The following ESRRB variants were observed in gnomAD, a reference collection of about 807,000 sequenced individuals.
ESRRB encodes steroid hormone receptor ERR2.
Under a neutral mutation model 46.0 loss-of-function variants are expected in ESRRB, and 16 were observed. That is an observed-to-expected ratio of 0.35 (90% CI 0.24 to 0.53). The LOEUF is 0.53. Among genes scored for constraint, ESRRB ranks in the 20% least tolerant of loss-of-function variants. The probability of loss-of-function intolerance (pLI) is 0.93; values close to 1 mark genes in which losing one functional copy is unlikely to be tolerated. For synonymous variants in ESRRB, 246 were observed against 259.6 expected, an observed-to-expected ratio of 0.95 and a Z score of 0.50; for missense variants, 488 against 607.4, an observed-to-expected ratio of 0.80 and a Z score of 2.07.
At chr14:76,391,482 C>G (rs901646530) in intron 1 of ESRRB, among the ~76,000 whole-genome samples, 3 of 152,264 alleles carry the variant, frequency 2.0e-5, no homozygotes, top group Non-Finnish European at 4.4e-5. Flanking sequence ...AGGCCAGAAG[C>G]TGCAGCTCAT....
chr14:76,334,863 T>A (rs1884107688), intron 1 of ESRRB, among the ~76,000 whole-genome samples: 1 of 152,126 alleles, frequency 6.6e-6, no homozygotes, highest in Admixed American at 6.5e-5. Context: ...GATCTGACCA[T>A]CTCCTTAGGG....
rs191284249 is a variant in ESRRB, at chr14:76,338,409, G to A, written c.2+27493G>A. Among the ~76,000 whole-genome samples, 35 of 152,262 alleles carry A rather than the reference G, an allele frequency of 2.3e-4. No individual in the cohort carries two copies. The East Asian group carries it at 4.7e-3, about 20-fold the overall frequency. ...GCCAGCCCTGCCAGCCAGGAGAGCC[G>A]GGTGAGCTACTGGGGCACCAAAACC... is the stretch of plus-strand genomic sequence containing the variant. On this transcript the variant is annotated intron_variant, in intron 1 of 6. Transcript: ENST00000512784.
chr14:76,444,214 G>C (rs1292590175), intron 2 of ESRRB, among the ~76,000 whole-genome samples: 1 of 152,040 alleles, frequency 6.6e-6, no homozygotes, highest in Non-Finnish European at 1.5e-5. Flanking sequence ...TGTATTTTTA[G>C]TAGAGACGGG....
At chr14:76,432,074 C>T (rs570370024) in intron 1 of ESRRB, among the ~76,000 whole-genome samples, 4 of 152,326 alleles carry the variant, frequency 2.6e-5, no homozygotes, top group East Asian at 1.9e-4. Context: ...CTCCCAATCC[C>T]GTCCTTTCTG....
At position 76,482,241 on chromosome 14, in the gene ESRRB, G is replaced by C. The variant is rs1566610573; in HGVS notation, c.688+115G>C. 3.6e-6 allele frequency: 3 copies of C among 840,244 alleles called. No homozygotes were observed. Among genetic ancestry groups the C allele is most frequent in the Non-Finnish European group, 5.9e-6 (3 of 504,694 alleles). The allele number at this position is 840,244 out of a possible 1,614,324, so 52.0% of individuals were successfully genotyped here. A position where few individuals can be genotyped will look rare whatever the true frequency, so the allele number is the denominator to read the frequency against. ...TGGGTCATGAGACAATGTGGATCTT[G>C]GGGAGGTGACATCAGTGCCTGGCAC... On this transcript the variant is annotated intron_variant, in intron 4 of 6. Coordinates refer to ENST00000644823, the MANE Select transcript of ESRRB (RefSeq NM_001379180.1). This position sits in a 1 kb window ranked among gnomAD's most constrained non-coding sequence, Gnocchi z 4.3.
At chr14:76,413,694 G>A (rs1254588475) in intron 1 of ESRRB, among the ~76,000 whole-genome samples, 4 of 152,148 alleles carry the variant, frequency 2.6e-5, no homozygotes, top group African/African-American at 9.7e-5. Context: ...ACTGAGCTTA[G>A]GGGCAGGGTC....
chr14:76,367,205 T>C (rs1884532350), upstream of ESRRB, among the ~76,000 whole-genome samples: 1 of 151,906 alleles, frequency 6.6e-6, no homozygotes, highest in Non-Finnish European at 1.5e-5. Flanking sequence ...CACCACTGCA[T>C]CCAGCCTCAG....
Position 76,499,296 on chromosome 14 carries a change from C to G in ESRRB, c.*838C>G, listed in dbSNP as rs896313384. On this transcript the variant is annotated 3_prime_UTR_variant, in exon 7 of 7. Transcript: ENST00000644823. ...GGGACCACACCATCCTCCCAAGAACCCTCTCCCTCTTCCTGCCTTCCCCCT... is the reference window on the plus strand; with the variant it reads ...GGGACCACACCATCCTCCCAAGAACGCTCTCCCTCTTCCTGCCTTCCCCCT... The G allele has an allele frequency of 2.9e-5, 7 of 242,608 alleles. No individual in the cohort carries two copies. Among genetic ancestry groups the G allele is most frequent in the Admixed American group, 5.2e-5 (1 of 19,398 alleles). The allele number at this position is 242,608 out of a possible 1,614,324, so 15.0% of individuals were successfully genotyped here.
At chr14:76,334,421 A>C (rs559845341) in intron 1 of ESRRB, among the ~76,000 whole-genome samples, 4 of 152,208 alleles carry the variant, frequency 2.6e-5, no homozygotes, top group Admixed American at 2.0e-4. Flanking sequence ...CGTCTTCCTC[A>C]TCTTGCTCTG....
chr14:76,402,028 C>T lies in ESRRB; in HGVS notation c.50+25577C>T, dbSNP rs75652956. On this transcript the variant is annotated intron_variant, in intron 1 of 6. Transcript: ENST00000644823. ...CAATATTTCAGTCTGAGTCCAAAGG[C>T]GGGAGAAGGCTGATGTCCCAATTTG... 8.3e-3 allele frequency among the ~76,000 whole-genome samples: 1,269 copies of T among 152,248 alleles called. 17 individuals are homozygous for T. Among genetic ancestry groups the T allele is most frequent in the African/African-American group, 0.029 (1,208 of 41,550 alleles).
At chr14:76,486,648 T>C in intron 5 of ESRRB, among the ~76,000 whole-genome samples, 1 of 151,908 alleles carries the variant, frequency 6.6e-6, no homozygotes, top group East Asian at 1.9e-4. Context: ...TGAATGTTAT[T>C]AGATGAGTTG....
intron 1 of ESRRB, among the ~76,000 whole-genome samples, chr14:76,347,233 G>A (rs928129516): frequency 6.6e-6 from 1 of 152,162 alleles, no homozygotes; most frequent in African/African-American, 2.4e-5. Context: ...TGAGCTATCA[G>A]CCTATGCCTA....
intron 1 of ESRRB, among the ~76,000 whole-genome samples, chr14:76,313,887 T>C (rs1883767551): frequency 6.6e-6 from 1 of 152,184 alleles, no homozygotes; most frequent in Non-Finnish European, 1.5e-5. Context: ...TTGTGGGTAG[T>C]TATGTTAATC....
chr14:76,478,258 G>A (rs1030732097), intron 3 of ESRRB, among the ~76,000 whole-genome samples: 1 of 152,104 alleles, frequency 6.6e-6, no homozygotes, highest in Admixed American at 6.5e-5. Context: ...CCATGAAGAA[G>A]CCCCCAGCCT....
chr14:76,324,963 C>CTTTTTCTTT (rs1320537747), intron 1 of ESRRB, among the ~76,000 whole-genome samples: 36 of 102,210 alleles, frequency 3.5e-4, no homozygotes, highest in Non-Finnish European at 5.6e-4. Flanking sequence ...TTTTCTTTTT[C>CTTTTTCTTT]TTTTTTTTTT....
intron 1 of ESRRB, among the ~76,000 whole-genome samples, chr14:76,359,974 C>T (rs1173747280): frequency 6.6e-6 from 1 of 152,124 alleles, no homozygotes; most frequent in Admixed American, 6.5e-5. Flanking sequence ...ATCATCAGGA[C>T]TCCACCTCTC....
chr14:76,473,312 G>C (rs1889445711), intron 3 of ESRRB, among the ~76,000 whole-genome samples: 1 of 152,224 alleles, frequency 6.6e-6, no homozygotes, highest in Admixed American at 6.5e-5. Flanking sequence ...AATAAACCAG[G>C]GATGTTGAAT....
chr14:76,332,743 T>TAATATATATTATATA (rs368211273), intron 1 of ESRRB, among the ~76,000 whole-genome samples: 11 of 17,598 alleles, frequency 6.3e-4, no homozygotes, highest in Admixed American at 1.4e-3. Context: ...ATATTATATA[T>TAATATATATTATATA]TTATATATTA....
chr14:76,407,569 G>A (rs1886243905), intron 1 of ESRRB: 2 of 985,818 alleles, frequency 2.0e-6, no homozygotes, highest in Non-Finnish European at 1.2e-6. Flanking sequence ...TGATTTGGGA[G>A]CTGCAGGTCA....
Sources: gnomAD v4.1 joint callset for allele counts (sites outside exome capture counted in the v4.1 genomes callset) on GRCh38, gnomAD v4.1.1 for gene constraint, Gnocchi (gnomAD v3.1) non-coding constraint, MANE v1.5 for transcripts, NCBI Gene and HGNC (gene_info 2026-07-23, HGNC 2026-07-21) for gene names.